ANP32B: variants seen among roughly 807,000 people sequenced by gnomAD.
The protein encoded by ANP32B is acidic leucine-rich nuclear phosphoprotein 32 family member B.
Under a neutral mutation model 32.2 loss-of-function variants are expected in ANP32B, and 6 were observed. That is an observed-to-expected ratio of 0.19 (90% CI 0.10 to 0.37). ANP32B has a LOEUF of 0.37. Among genes scored for constraint, ANP32B ranks in the 10% least tolerant of loss-of-function variants. The pLI, the probability that ANP32B is intolerant of heterozygous loss-of-function variation, is 1.00. For synonymous variants in ANP32B, 98 were observed against 105.8 expected (o/e 0.93, Z 0.45); for missense variants, 204 against 289.2 (o/e 0.71, Z 2.14).
intron 1 of ANP32B, among the ~76,000 whole-genome samples, chr9:97,992,122 C>G (rs539441800): frequency 2.6e-5 from 4 of 152,162 alleles, no homozygotes; most frequent in African/African-American, 9.6e-5. Context: ...ATGGAGTCTC[C>G]TTTTTCACCG....
rs1554723291 is a variant in ANP32B at position 97,985,073 on chromosome 9, C to CCA, written c.54+1465_54+1466insAC. ...GGCTGCCCGCCGTCGCGAGCCCCCC[C>CCA]CCCGCCGCGGACCGGCGCGGGCCAG... On this transcript the variant is annotated intron_variant, in intron 1 of 6. Coordinates refer to ENST00000339399, the MANE Select transcript of ANP32B (RefSeq NM_006401.3). 3.3e-5 allele frequency among the ~76,000 whole-genome samples: 5 copies of CCA among 150,482 alleles called. No homozygotes were observed. In the East Asian group the frequency reaches 9.8e-4, roughly 30 times the overall value.
intron 2 of ANP32B, among the ~76,000 whole-genome samples, chr9:97,996,406 TTTTTGTTTTTGTTGG>T (rs1247222516): frequency 6.6e-6 from 1 of 152,066 alleles, no homozygotes; most frequent in Admixed American, 6.6e-5. Context: ...AAGGACAGGG[TTTTTGTTTTTGTTGG>T]TTTTGGGTGG....
chr9:98,009,057 A>G (rs1011739633), intron 4 of ANP32B, among the ~76,000 whole-genome samples: 2 of 152,194 alleles, frequency 1.3e-5, no homozygotes, highest in African/African-American at 4.8e-5. Context: ...TGTTATTGCC[A>G]GCTATAAATA....
rs781295072 is a variant in ANP32B at position 98,011,329 on chromosome 9, A to T, written c.576A>T (p.Glu192Asp). 6.5e-7 allele frequency: 1 copy of T among 1,550,054 alleles called. No individual in the cohort carries two copies. The highest frequency in any genetic ancestry group is 8.7e-7 in the Non-Finnish European group (1 of 1,143,212). ...ATGGTGAAGAAGAGGAGTTTGATGA[A>T]GAAGATGATGAAGATGAAGATGTAG... ...DEDGEEEEFDEEDDEDEDVEG... is the reference protein window; with the variant it reads ...DEDGEEEEFDDEDDEDEDVEG... Residue 192 changes from glutamate (E) to aspartate (D), a missense_variant, in exon 5 of 7, where the codon GAA (glutamate) becomes GAT (aspartate). Transcript: ENST00000339399.
chr9:97,986,673 A>G (rs932630381), intron 1 of ANP32B: 2 of 152,282 alleles, frequency 1.3e-5, no homozygotes, highest in Admixed American at 6.5e-5. Flanking sequence ...GGAACATGCC[A>G]TAAACACCAC....
chr9:98,005,323 C>A, intron 4 of ANP32B, 170 bp downstream of exon 4: 3 of 480,032 alleles, frequency 6.2e-6, no homozygotes, highest in South Asian at 6.4e-5. Context: ...GCCTGGGCAA[C>A]ATGGCAATAC....
intron 6 of ANP32B, among the ~76,000 whole-genome samples, chr9:98,015,141 G>T (rs907065794): frequency 6.6e-6 from 1 of 152,162 alleles, no homozygotes; most frequent in South Asian, 2.1e-4. Context: ...GAGGAAACTG[G>T]ATTAACTTTT....
At chr9:98,001,748 T>C (rs1157126450) in intron 3 of ANP32B, among the ~76,000 whole-genome samples, 1 of 152,168 alleles carries the variant, frequency 6.6e-6, no homozygotes, top group African/African-American at 2.4e-5. Flanking sequence ...TCCCCCAGGA[T>C]AGTGAAGGAT....
chr9:97,993,600 CTA>C (rs965158362), intron 1 of ANP32B, among the ~76,000 whole-genome samples: 1 of 152,178 alleles, frequency 6.6e-6, no homozygotes, highest in Non-Finnish European at 1.5e-5. Context: ...TGCATGTAGA[CTA>C]TTAAATAATC....
chr9:98,012,378 T>A (rs752618253), intron 5 of ANP32B, 43 bp from the exon 6 acceptor site: 1 of 1,596,726 alleles, frequency 6.3e-7, no homozygotes, highest in Non-Finnish European at 8.5e-7. Context: ...ACTTTTCAAT[T>A]TGGCAGAATT....
At chr9:97,993,265 G>T (rs1827857542) in intron 1 of ANP32B, among the ~76,000 whole-genome samples, 1 of 152,180 alleles carries the variant, frequency 6.6e-6, no homozygotes. Flanking sequence ...GTAAATGGGG[G>T]AAGGAGAGTG....
chr9:98,000,881 C>T (rs932098192), intron 3 of ANP32B, among the ~76,000 whole-genome samples: 1 of 150,212 alleles, frequency 6.7e-6, no homozygotes, highest in African/African-American at 2.5e-5. Flanking sequence ...GAGATCATGC[C>T]TCTGCACTCC....
rs1476195765 is a variant in ANP32B at position 98,004,994 on chromosome 9, C to G, written c.358C>G (p.Leu120Val). ...GTTAGAATGTCTGAAAAGCCTGGAC[C>G]TCTTTAACTGTGAGGTTACCAACCT... Reference protein sequence around the residue: ...KKLECLKSLDLFNCEVTNLND... With the variant: ...KKLECLKSLDVFNCEVTNLND... Residue 120 changes from leucine to valine, a missense_variant, in exon 4 of 7, where the codon CTC becomes GTC. Coordinates refer to ENST00000339399, the MANE Select transcript of ANP32B (RefSeq NM_006401.3). The G allele has an allele frequency of 6.2e-7, 1 of 1,611,826 alleles. No homozygotes were observed. Among genetic ancestry groups the G allele is most frequent in the Non-Finnish European group, 8.5e-7 (1 of 1,179,254 alleles).
Position 98,012,412 on chromosome 9 carries a change from A to G in ANP32B, c.637-9A>G, listed in dbSNP as rs780266513. On this transcript the variant is annotated splice_polypyrimidine_tract_variant and intron_variant, in intron 5 of 6. Transcript: ENST00000339399. Reference sequence around the variant, plus strand: ...TTAATTTAATGTTATGCTGTTTGCTATTCTTTAGGAAGAAGAATTTGGACT... The same window carrying G: ...TTAATTTAATGTTATGCTGTTTGCTGTTCTTTAGGAAGAAGAATTTGGACT... 1.6e-5 allele frequency: 26 copies of G among 1,611,738 alleles called. No homozygotes were observed. Among genetic ancestry groups the G allele is most frequent in the South Asian group, 4.4e-5 (4 of 90,496 alleles).
In ANP32B at chr9:98,005,102, C is replaced by G. The variant is rs759833673; in HGVS notation, c.466C>G (p.Pro156Ala). 6.2e-7 allele frequency: 1 copy of G among 1,613,832 alleles called. No homozygotes were observed. Among genetic ancestry groups the G allele is most frequent in the East Asian group, 2.2e-5 (1 of 44,856 alleles). ...CTATGACCGAGAGGACCAGGAAGCA[C>G]CTGACTCAGATGCCGAGGTGGATGG... The part of the protein sequence containing the change: ...DGYDREDQEA[P>A]DSDAEVDGVD... Residue 156 changes from proline (P) to alanine (A), a missense_variant, in exon 4 of 7, where the codon CCT becomes GCT. By Grantham distance (27) the Pro-to-Ala change is conservative (BLOSUM62 -1). Coordinates refer to ENST00000339399, the MANE Select transcript of ANP32B (RefSeq NM_006401.3).
At chr9:97,993,920 A>G (rs1827867215) in intron 1 of ANP32B, among the ~76,000 whole-genome samples, 1 of 152,240 alleles carries the variant, frequency 6.6e-6, no homozygotes. Flanking sequence ...GGCGTCAGCC[A>G]CTGCGCCCGG....
At chr9:97,984,938 C>T (rs886937953) in intron 1 of ANP32B, among the ~76,000 whole-genome samples, 1 of 151,052 alleles carries the variant, frequency 6.6e-6, no homozygotes, top group African/African-American at 2.4e-5. Context: ...TGCGGTCGGC[C>T]GCGCGCCTTG....
At chr9:98,006,582 A>G (rs1254877329) in intron 4 of ANP32B, among the ~76,000 whole-genome samples, 1 of 152,208 alleles carries the variant, frequency 6.6e-6, no homozygotes, top group African/African-American at 2.4e-5. Context: ...TTGAAAAGAA[A>G]ATACCAAGAG....
chr9:97,983,818 G>A (rs542922789), intron 1 of ANP32B, among the ~76,000 whole-genome samples: 2 of 152,092 alleles, frequency 1.3e-5, no homozygotes, highest in Non-Finnish European at 1.5e-5. Context: ...GGGGCGGCCG[G>A]GGGGAGGCAG....
Sources: allele counts gnomAD v4.1 joint callset (sites outside exome capture counted in the v4.1 genomes callset), GRCh38; gene constraint gnomAD v4.1.1; transcripts MANE v1.5; gene names NCBI Gene and HGNC (gene_info 2026-07-23, HGNC 2026-07-21).